RIC1: variants seen among roughly 807,000 people sequenced by gnomAD.
RIC1 encodes RIC1 partner of RAB6A GEF complex.
A neutral mutation model predicts 169.0 loss-of-function variants in RIC1; 88 were observed. That is an observed-to-expected ratio of 0.52 (90% CI 0.44 to 0.62). The LOEUF is 0.62. RIC1 is among the 20% of genes least tolerant of loss of function. RIC1 has a pLI of 0.00. For synonymous variants in RIC1, 790 were observed against 601.5 expected (o/e 1.31, Z -4.59); for missense variants, 1,877 against 1,725.5 (o/e 1.09, Z -1.56).
chr9:5,660,353 T>C (rs765362048), intron 2 of RIC1, among the ~76,000 whole-genome samples: 7 of 152,134 alleles, frequency 4.6e-5, no homozygotes, highest in Non-Finnish European at 8.8e-5. Flanking sequence ...TGATTTATAT[T>C]TTGGGGGGTA....
At chr9:5,756,938 C>G (rs1229758433) in intron 16 of RIC1, among the ~76,000 whole-genome samples, 8 of 152,224 alleles carry the variant, frequency 5.3e-5, no homozygotes, top group Admixed American at 3.3e-4. Flanking sequence ...TATGTATTTA[C>G]TGAAACAGCA....
chr9:5,688,376 A>G (rs1478914015), intron 2 of RIC1, among the ~76,000 whole-genome samples: 2 of 152,172 alleles, frequency 1.3e-5, no homozygotes, highest in African/African-American at 2.4e-5. Context: ...TTATCTCTCA[A>G]GGATGACTGG....
intron 8 of RIC1, 67 bp from the exon 9 acceptor site, chr9:5,742,798 GAAAA>G (rs201838674): frequency 4.9e-6 from 5 of 1,022,426 alleles, no homozygotes; most frequent in Non-Finnish European, 4.1e-6. Flanking sequence ...GATTGTATTT[GAAAA>G]AAAAAAAAAA....
chr9:5,754,314 A>G (rs1825878292), intron 14 of RIC1, among the ~76,000 whole-genome samples: 1 of 152,188 alleles, frequency 6.6e-6, no homozygotes, highest in East Asian at 1.9e-4. Flanking sequence ...GCACCCAGTT[A>G]TTTTTAATGG....
rs138670933 is a variant in RIC1 at position 5,676,677 on chromosome 9, T to C, written c.253-13282T>C. Among the ~76,000 whole-genome samples, 481 of 152,238 alleles carry C rather than the reference T, an allele frequency of 3.2e-3. 4 individuals are homozygous for C. Among genetic ancestry groups the C allele is most frequent in the African/African-American group, 0.011 (463 of 41,540 alleles). On this transcript the variant is annotated intron_variant, in intron 2 of 25. Transcript: ENST00000414202. The stretch of plus-strand genomic sequence containing the variant: ...TCTCACTGGCACTTTTTTAATGGGG[T>C]TTAAAGAAAAAAATTGCTCTACTGT...
rs914136832 is a variant in RIC1 at position 5,763,089 on chromosome 9, A to T, written c.2113-51A>T. On this transcript the variant is annotated intron_variant, in intron 18 of 25. Transcript: ENST00000414202. The surrounding 1 kb of genome is among the most constrained non-coding windows in gnomAD (Gnocchi z 5.2). ...TAAACTAGTACCTAGGAACTTAAGA[A>T]CCTGCAGATTTAATAGGAAAACAAC... is the stretch of plus-strand genomic sequence containing the variant. The T allele has an allele frequency of 5.1e-6, 8 of 1,574,996 alleles. No homozygotes were observed. The highest frequency in any genetic ancestry group is 1.4e-5 in the African/African-American group (1 of 73,496).
chr9:5,703,547 A>T (rs994148140), intron 3 of RIC1, among the ~76,000 whole-genome samples: 1 of 152,190 alleles, frequency 6.6e-6, no homozygotes, highest in Non-Finnish European at 1.5e-5. Flanking sequence ...GGATTTGCCT[A>T]TTCTGGATAC....
At chr9:5,652,927 G>A (rs576332770) in intron 1 of RIC1, among the ~76,000 whole-genome samples, 1 of 152,162 alleles carries the variant, frequency 6.6e-6, no homozygotes, top group Non-Finnish European at 1.5e-5. Flanking sequence ...GTTGAGTTTT[G>A]TCAAATGCTT....
rs762538101 is a variant in RIC1, at chr9:5,629,300, C to T, written c.-10C>T. The T allele has an allele frequency of 2.0e-6, 3 of 1,502,938 alleles. No individual in the cohort carries two copies. Among genetic ancestry groups the T allele is most frequent in the Admixed American group, 2.1e-5 (1 of 47,392 alleles). The allele number at this position is 1,502,938 out of a possible 1,614,324, so 93.1% of individuals were successfully genotyped here. ...ACGCAACTGGGGGCGCCGGGGGCTCCGCACGGACCATGTATTTTCTGAGCG... is the reference window on the plus strand; with the variant it reads ...ACGCAACTGGGGGCGCCGGGGGCTCTGCACGGACCATGTATTTTCTGAGCG... On this transcript the variant is annotated 5_prime_UTR_variant, in exon 1 of 26. Coordinates refer to ENST00000414202, the MANE Select transcript of RIC1 (RefSeq NM_020829.4).
chr9:5,720,511 C>T (rs1379141079), intron 5 of RIC1, 103 bp from the exon 6 acceptor site: 7 of 1,245,582 alleles, frequency 5.6e-6, no homozygotes, highest in Middle Eastern at 2.0e-4. Context: ...GTTGTTAGGT[C>T]ATTATTTTTA....
chr9:5,694,090 C>G (rs1451560264), intron 3 of RIC1, among the ~76,000 whole-genome samples: 2 of 152,164 alleles, frequency 1.3e-5, no homozygotes, highest in Non-Finnish European at 2.9e-5. Flanking sequence ...TACCAGCTCA[C>G]TGCTAATGAA....
At position 5,720,733 on chromosome 9, in the gene RIC1, A is replaced by T; in HGVS notation, c.703A>T (p.Ser235Cys). 6.2e-7 allele frequency: 1 copy of T among 1,608,436 alleles called. No individual in the cohort carries two copies. Among genetic ancestry groups the T allele is most frequent in the Non-Finnish European group, 8.5e-7 (1 of 1,177,986 alleles). Residue 235 changes from serine (S) to cysteine (C), a missense_variant, in exon 6 of 26, where the codon AGT becomes TGT. Coordinates refer to ENST00000414202, the MANE Select transcript of RIC1 (RefSeq NM_020829.4). ...GKVGFITPVS[S>C]RFTAEQLHGV... ...AGTTGGATTTATTACACCAGTGTCA[A>T]GTAGATTTACTGCAGAGGTATGACT...
intron 1 of RIC1, among the ~76,000 whole-genome samples, chr9:5,640,059 A>G (rs1307345342): frequency 6.6e-6 from 1 of 152,070 alleles, no homozygotes; most frequent in African/African-American, 2.4e-5. Context: ...AGTTTGGTCC[A>G]TTTGTATTCA....
intron 7 of RIC1, among the ~76,000 whole-genome samples, chr9:5,736,141 C>T (rs1460590387): frequency 6.6e-6 from 1 of 152,198 alleles, no homozygotes; most frequent in Non-Finnish European, 1.5e-5. Context: ...CATTTTAGAG[C>T]TCAGCAACCC....
intron 6 of RIC1, among the ~76,000 whole-genome samples, chr9:5,722,256 ATTTTT>A (rs771921878): frequency 3.0e-5 from 3 of 98,572 alleles, no homozygotes; most frequent in Non-Finnish European, 4.4e-5. Context: ...GGAGGAAGAG[ATTTTT>A]TTTTTTTTTT....
intron 1 of RIC1, among the ~76,000 whole-genome samples, chr9:5,640,326 C>T (rs937520548): frequency 2.0e-5 from 3 of 152,142 alleles, no homozygotes; most frequent in Non-Finnish European, 4.4e-5. Context: ...ATTGTATAAG[C>T]AGTCAAACAC....
Position 5,763,083 on chromosome 9 carries a change from T to C in RIC1, c.2113-57T>C. 1 of 1,568,188 alleles carries C rather than the reference T, an allele frequency of 6.4e-7. No homozygotes were observed. Among genetic ancestry groups the C allele is most frequent in the East Asian group, 2.3e-5 (1 of 44,428 alleles). On this transcript the variant is annotated intron_variant, in intron 18 of 25. Transcript: ENST00000414202. The surrounding 1 kb of genome is among the most constrained non-coding windows in gnomAD (Gnocchi z 5.2). ...ACTTAGTAAACTAGTACCTAGGAAC[T>C]TAAGAACCTGCAGATTTAATAGGAA...
chr9:5,747,057 C>A (rs1238021670), intron 11 of RIC1, among the ~76,000 whole-genome samples: 8 of 152,196 alleles, frequency 5.3e-5, no homozygotes, highest in Admixed American at 4.6e-4. Context: ...TGAGTCTACT[C>A]ACCTTTGAGA....
chr9:5,750,966 T>A (rs1463362012), intron 12 of RIC1, among the ~76,000 whole-genome samples: 1 of 151,880 alleles, frequency 6.6e-6, no homozygotes, highest in African/African-American at 2.4e-5. Flanking sequence ...TTAAAATACA[T>A]CATTTGTGGC....
Sources: allele counts gnomAD v4.1 joint callset (sites outside exome capture counted in the v4.1 genomes callset), GRCh38; gene constraint gnomAD v4.1.1; non-coding constraint Gnocchi (gnomAD v3.1); transcripts MANE v1.5; gene names NCBI Gene and HGNC (gene_info 2026-07-23, HGNC 2026-07-21).